Variants in ZSCAN4 observed in about 807,000 individuals in gnomAD.
ZSCAN4 encodes the protein zinc finger and SCAN domain-containing protein 4.
In ZSCAN4, 18 loss-of-function variants were observed where a neutral mutation model predicts 18.3. The ratio of observed to expected loss-of-function variants is 0.98; its 90% CI spans 0.68 to 1.46. The LOEUF is 1.46. Among genes scored for constraint, ZSCAN4 ranks in the 40% most tolerant of loss-of-function variants. The probability of loss-of-function intolerance (pLI) is 0.00; values close to 1 mark genes in which losing one functional copy is unlikely to be tolerated. For missense variants in ZSCAN4, 498 were observed against 511.4 expected (o/e 0.97, Z 0.25); for synonymous variants, 193 against 180.3 (o/e 1.07, Z -0.57).
At chr19:57,678,394 A>C (rs777330464) in exon 5 of ZSCAN4, 3 of 1,614,054 alleles carry the variant, frequency 1.9e-6, no homozygotes, top group African/African-American at 2.7e-5. Flanking sequence ...ATCACTTTCC[A>C]AGGTGTCCCT....
chr19:57,676,565 G>T, intron 3 of ZSCAN4, 24 bp downstream of exon 3: 1 of 1,570,004 alleles, frequency 6.4e-7, no homozygotes, highest in South Asian at 1.2e-5. Flanking sequence ...TCTAACTTCT[G>T]GGATGAGAGA....
At chr19:57,661,643 A>T in the ZSCAN4 span, among the ~76,000 whole-genome samples, 2 of 152,260 alleles carry the variant, frequency 1.3e-5, no homozygotes, top group African/African-American at 4.8e-5. Flanking sequence ...AAGCCTAAAT[A>T]AAATGTGCCA....
chr19:57,662,402 A>C, the ZSCAN4 span, among the ~76,000 whole-genome samples: 1 of 152,042 alleles, frequency 6.6e-6, no homozygotes, highest in Non-Finnish European at 1.5e-5. Context: ...TATGTATTTA[A>C]ATATCTTATT....
chr19:57,658,851 A>T, the ZSCAN4 span, among the ~76,000 whole-genome samples: 2 of 151,578 alleles, frequency 1.3e-5, no homozygotes, highest in Non-Finnish European at 2.9e-5. Context: ...AAAAAAAAAA[A>T]AAGAAGTAAT....
At chr19:57,656,997 A>T in the ZSCAN4 span, among the ~76,000 whole-genome samples, 1 of 150,692 alleles carries the variant, frequency 6.6e-6, no homozygotes, top group Non-Finnish European at 1.5e-5. Flanking sequence ...TGTAATTCCA[A>T]CGCTTTGGGG....
chr19:57,675,618 C>CT (rs1568451697), intron 2 of ZSCAN4, among the ~76,000 whole-genome samples: 1 of 152,074 alleles, frequency 6.6e-6, no homozygotes, highest in Non-Finnish European at 1.5e-5. Flanking sequence ...TATTAAGTGC[C>CT]TTTTTCAGGA....
At chr19:57,658,551 C>T in the ZSCAN4 span, among the ~76,000 whole-genome samples, 15 of 152,184 alleles carry the variant, frequency 9.9e-5, no homozygotes, top group Admixed American at 3.9e-4. Flanking sequence ...AATATACTTC[C>T]TGCCGGGTGC....
At chr19:57,672,761 C>T (rs928791069) in intron 2 of ZSCAN4, among the ~76,000 whole-genome samples, 43 of 152,054 alleles carry the variant, frequency 2.8e-4, no homozygotes, top group African/African-American at 1.0e-3. Flanking sequence ...TGCCACCACA[C>T]CCAACTCATT....
chr19:57,655,254 T>A, the ZSCAN4 span, among the ~76,000 whole-genome samples: 1 of 152,122 alleles, frequency 6.6e-6, no homozygotes, highest in Non-Finnish European at 1.5e-5. Flanking sequence ...GTACACCACA[T>A]CACGTGGGCC....
chr19:57,659,795 C>G, the ZSCAN4 span, among the ~76,000 whole-genome samples: 4 of 152,280 alleles, frequency 2.6e-5, no homozygotes, highest in South Asian at 8.3e-4. Context: ...CTCCTTAGAT[C>G]TTGCTGTCCT....
chr19:57,676,461 G>C lies in ZSCAN4; in HGVS notation c.316G>C (p.Glu106Gln). The C allele has an allele frequency of 6.2e-7, 1 of 1,614,214 alleles. No homozygotes were observed. Among genetic ancestry groups the C allele is most frequent in the Non-Finnish European group, 8.5e-7 (1 of 1,180,032 alleles). ...CTGCAATGACAAAGCCAGTGTGAAA[G>C]AGAAATGGAAATCAAGTGGCAAAAA... Residue 106 changes from glutamate to glutamine, a missense_variant, in exon 3 of 5, where the codon GAG (glutamate) becomes CAG (glutamine). Glu to Gln is a conservative substitution (Grantham distance 29). Transcript: ENST00000318203.
At chr19:57,677,829 G>A in intron 3 of ZSCAN4, 85 bp from the exon 4 acceptor site, 1 of 1,328,976 alleles carries the variant, frequency 7.5e-7, no homozygotes, top group Non-Finnish European at 1.0e-6. Context: ...GGGAGCTTGT[G>A]AGAGCCTGTT....
chr19:57,678,495 T>C (rs781646281), exon 5 of ZSCAN4: 9 of 1,614,034 alleles, frequency 5.6e-6, no homozygotes, highest in South Asian at 5.5e-5. Flanking sequence ...AAATTCCACA[T>C]GTGAGGTACA....
chr19:57,674,179 T>C (rs1237296534), intron 2 of ZSCAN4, among the ~76,000 whole-genome samples: 11 of 152,242 alleles, frequency 7.2e-5, no homozygotes, highest in Non-Finnish European at 4.4e-5. Flanking sequence ...GTGAATATTT[T>C]ATTTTATTTT....
rs560507131 is a variant in ZSCAN4 at position 57,678,213 on chromosome 19, C to T, written c.610C>T (p.Arg204Ter). 5.6e-6 allele frequency: 9 copies of T among 1,614,088 alleles called. No individual in the cohort carries two copies. The highest frequency in any genetic ancestry group is 4.5e-5 in the East Asian group (2 of 44,886). ...CTGGAACAGTTCTTCGAAAACTACT[C>T]GAGTAAATGAAAATATTACTAATCA... Residue 204 changes from arginine to a stop codon, truncating the protein, a stop_gained, in exon 5 of 5, where the codon CGA becomes TGA. Coordinates refer to ENST00000318203, the Ensembl canonical transcript of ZSCAN4. LOFTEE classifies it low-confidence loss of function (END_TRUNC).
At chr19:57,662,411 TTTAGA>T in the ZSCAN4 span, among the ~76,000 whole-genome samples, 95 of 152,274 alleles carry the variant, frequency 6.2e-4, 2 homozygotes, top group South Asian at 7.0e-3. Flanking sequence ...AAATATCTTA[TTTAGA>T]TTATTTTAAT....
At chr19:57,678,187 G>A in exon 5 of ZSCAN4, 3 of 1,613,932 alleles carry the variant, frequency 1.9e-6, no homozygotes, top group Non-Finnish European at 2.5e-6. Flanking sequence ...GAACAAGATG[G>A]CTGGAACAGT....
chr19:57,674,887 T>C (rs1305831836), intron 2 of ZSCAN4, among the ~76,000 whole-genome samples: 1 of 152,002 alleles, frequency 6.6e-6, no homozygotes, highest in East Asian at 1.9e-4. Context: ...ATAGAGATGA[T>C]AGCTCAAGCA....
At chr19:57,655,358 C>T in the ZSCAN4 span, among the ~76,000 whole-genome samples, 1 of 152,192 alleles carries the variant, frequency 6.6e-6, no homozygotes, top group Non-Finnish European at 1.5e-5. Flanking sequence ...TGGGACTACC[C>T]AACCCCAACA....
Sources: gnomAD v4.1 joint callset for allele counts (sites outside exome capture counted in the v4.1 genomes callset) on GRCh38, gnomAD v4.1.1 for gene constraint, MANE v1.5 for transcripts, NCBI Gene and HGNC (gene_info 2026-07-23, HGNC 2026-07-21) for gene names.